The following KANK1 variants were observed in gnomAD, a reference collection of about 807,000 sequenced individuals.
The protein encoded by KANK1 is KN motif and ankyrin repeat domains 1.
Under a neutral mutation model 106.2 loss-of-function variants are expected in KANK1, and 109 were observed. That is an observed-to-expected ratio of 1.03 (90% CI 0.88 to 1.20). The LOEUF (loss-of-function observed/expected upper bound fraction) is 1.20. Ranked by LOEUF, KANK1 falls within the 50% of genes most tolerant of loss-of-function variation. The probability of loss-of-function intolerance (pLI) is 0.00; values close to 1 mark genes in which losing one functional copy is unlikely to be tolerated. For missense variants in KANK1, 2,399 were observed against 1,710.7 expected (o/e 1.40, Z -7.10); for synonymous variants, 873 against 652.2 (o/e 1.34, Z -5.16).
chr9:503,682 T>G (rs1311954451), upstream of KANK1, among the ~76,000 whole-genome samples: 1 of 151,898 alleles, frequency 6.6e-6, no homozygotes, highest in African/African-American at 2.4e-5. Flanking sequence ...GCTAACATTG[T>G]TTTTTGAGTA....
At chr9:516,875 TC>T (rs1343971248) in intron 1 of KANK1, among the ~76,000 whole-genome samples, 1 of 151,564 alleles carries the variant, frequency 6.6e-6, no homozygotes, top group Non-Finnish European at 1.5e-5. Flanking sequence ...ATTAGGAATT[TC>T]ATGCCTCCAT....
chr9:541,008 G>A (rs1263703598), intron 1 of KANK1, among the ~76,000 whole-genome samples: 1 of 151,910 alleles, frequency 6.6e-6, no homozygotes, highest in Non-Finnish European at 1.5e-5. Context: ...ATTCCTTGAG[G>A]TGTAAAGTTA....
chr9:501,707 CTTAA>C (rs2058556768), upstream of KANK1, among the ~76,000 whole-genome samples: 1 of 143,700 alleles, frequency 7.0e-6, no homozygotes, highest in Non-Finnish European at 1.5e-5. Context: ...TTTTAATTTT[CTTAA>C]TTGTTACTTT....
chr9:692,073 C>G (rs1352753495), intron 2 of KANK1, among the ~76,000 whole-genome samples: 1 of 147,240 alleles, frequency 6.8e-6, no homozygotes, highest in African/African-American at 2.5e-5. Context: ...ACGGATGACT[C>G]TAAATAGCCT....
rs1186839864 is a variant in KANK1 at position 712,863 on chromosome 9, T to C, written c.2097T>C (p.Cys699=). Residue 699 remains cysteine, a synonymous_variant, in exon 3 of 12, where the codon TGT becomes TGC. Transcript: ENST00000382297. ...ATLIESCTNT[C]LSTLDKQTST... ...TCATAGAGTCCTGCACCAACACTTGTCTAAGCACTTTGGACAAGCAGACCA... is the reference window on the plus strand; with the variant it reads ...TCATAGAGTCCTGCACCAACACTTGCCTAAGCACTTTGGACAAGCAGACCA... 1 of 1,612,776 alleles carries C rather than the reference T, an allele frequency of 6.2e-7. No individual in the cohort carries two copies. Among genetic ancestry groups the C allele is most frequent in the Non-Finnish European group, 8.5e-7 (1 of 1,179,820 alleles).
chr9:522,831 C>CA lies in KANK1; in HGVS notation c.-84+18078dup, dbSNP rs1402426715. Among the ~76,000 whole-genome samples the CA allele has an allele frequency of 4.0e-5, 6 of 151,700 alleles. No homozygotes were observed. The East Asian group carries it at 9.6e-4, about 24-fold the overall frequency. ...CTCTGACCTACCCTGGTTTTCACTT[C>CA]ATTACTCCTCCCTTGGTGCTGACAG... is the stretch of plus-strand genomic sequence containing the variant. On this transcript the variant is annotated intron_variant, in intron 1 of 11. Transcript: ENST00000382297.
chr9:562,726 T>G (rs1816811593), intron 1 of KANK1, among the ~76,000 whole-genome samples: 1 of 152,224 alleles, frequency 6.6e-6, no homozygotes. Context: ...GTTGTCAAGT[T>G]AGACAACCGA....
Position 473,510 on chromosome 9 carries a change from G to A in KANK1, c.-362+237G>A, listed in dbSNP as rs185892647. ...TGATCATCAACCATAATCCCTAGAGGGTCACCTAGAGTTATCCTACAATGA... is the reference window on the plus strand; with the variant it reads ...TGATCATCAACCATAATCCCTAGAGAGTCACCTAGAGTTATCCTACAATGA... On this transcript the variant is annotated intron_variant, in intron 3 of 15. Transcript: ENST00000382303. Among the ~76,000 whole-genome samples, 8 of 152,184 alleles carry A rather than the reference G, an allele frequency of 5.3e-5. No homozygotes were observed. In the East Asian group the frequency reaches 1.5e-3, roughly 29 times the overall value.
In KANK1 at chr9:738,402, C is replaced by T. The variant is rs747315739; in HGVS notation, c.3451C>T (p.Leu1151Phe). ...TTTTGAGGCCATTTCCCCAGATGTC[C>T]TCCGCTATGTCATCAACTTGGCAGA... ...AAFEAISPDV[L>F]RYVINLADGN... Residue 1151 changes from leucine (L) to phenylalanine (F), a missense_variant, in exon 8 of 12, where the codon CTC (leucine) becomes TTC (phenylalanine). Physicochemically the swap from Leu to Phe is conservative, Grantham distance 22. Coordinates refer to ENST00000382297, the MANE Select transcript of KANK1 (RefSeq NM_015158.5). The T allele has an allele frequency of 6.8e-6, 11 of 1,614,100 alleles. No homozygotes were observed. The highest frequency in any genetic ancestry group is 9.3e-6 in the Non-Finnish European group (11 of 1,179,992).
chr9:494,626 A>C (rs1413076896), intron 3 of KANK1, among the ~76,000 whole-genome samples: 1 of 152,162 alleles, frequency 6.6e-6, no homozygotes, highest in African/African-American at 2.4e-5. Context: ...TGTCATGGGC[A>C]GCACTATGGA....
At chr9:491,275 C>CT (rs997066061) in intron 3 of KANK1, among the ~76,000 whole-genome samples, 96 of 143,382 alleles carry the variant, frequency 6.7e-4, no homozygotes, top group East Asian at 1.6e-3. Flanking sequence ...AGTGCATTTT[C>CT]TTTTTTTTTT....
At chr9:550,577 A>T (rs2061218968) in intron 1 of KANK1, among the ~76,000 whole-genome samples, 1 of 152,336 alleles carries the variant, frequency 6.6e-6, no homozygotes, top group South Asian at 2.1e-4. Context: ...ACTGCACTCC[A>T]GCCTCAGCAA....
At position 597,625 on chromosome 9, in the gene KANK1, C is replaced by T. The variant is rs896669065; in HGVS notation, c.-83-79265C>T. On this transcript the variant is annotated intron_variant, in intron 1 of 11. Transcript: ENST00000382297. ...ACCCTTAATAGATATGTGATTTGCA[C>T]ATAGTTTTTCTCATTTTTAAGGTTT... Among the ~76,000 whole-genome samples the T allele has an allele frequency of 2.0e-5, 3 of 151,528 alleles. No homozygotes were observed. In the East Asian group the frequency reaches 5.8e-4, roughly 29 times the overall value.
At chr9:668,670 A>G (rs1845222754) in intron 1 of KANK1, among the ~76,000 whole-genome samples, 1 of 152,088 alleles carries the variant, frequency 6.6e-6, no homozygotes, top group East Asian at 1.9e-4. Flanking sequence ...CATGAGGCTT[A>G]TAGAAAACAT....
At chr9:744,339 A>T (rs1836606997) in intron 10 of KANK1, 152 bp from the exon 11 acceptor site, 1 of 724,904 alleles carries the variant, frequency 1.4e-6, no homozygotes, top group Non-Finnish European at 2.2e-6. Context: ...CTTCACCCTT[A>T]GAGGTCCCAA....
chr9:554,278 T>C (rs572435754), intron 1 of KANK1, among the ~76,000 whole-genome samples: 91 of 152,324 alleles, frequency 6.0e-4, no homozygotes, highest in Non-Finnish European at 2.6e-4. Context: ...CATCTGAGTC[T>C]GAAGATCCAA....
rs754371427 is a variant in KANK1 at position 711,535 on chromosome 9, C to G, written c.769C>G (p.Pro257Ala). The G allele has an allele frequency of 4.3e-6, 7 of 1,613,796 alleles. No individual in the cohort carries two copies. Among genetic ancestry groups the G allele is most frequent in the Non-Finnish European group, 5.9e-6 (7 of 1,179,832 alleles). Residue 257 changes from proline (P) to alanine (A), a missense_variant, in exon 3 of 12, where the codon CCC becomes GCC. Transcript: ENST00000382297. ...GISTPVTNVS[P>A]MHLQHIREQM... ...CTCCACCCCAGTGACCAACGTGAGCCCCATGCACCTGCAGCACATCCGCGA... is the reference window on the plus strand; with the variant it reads ...CTCCACCCCAGTGACCAACGTGAGCGCCATGCACCTGCAGCACATCCGCGA...
chr9:632,139 A>T (rs527704618), intron 1 of KANK1, among the ~76,000 whole-genome samples: 2 of 152,228 alleles, frequency 1.3e-5, no homozygotes, highest in Admixed American at 6.5e-5. Flanking sequence ...TTGACTAGGT[A>T]TGGTCAAACG....
intron 3 of KANK1, among the ~76,000 whole-genome samples, chr9:726,966 A>G (rs534246595): frequency 1.1e-4 from 16 of 152,330 alleles, no homozygotes; most frequent in African/African-American, 3.8e-4. Context: ...CACTCTCTCA[A>G]TTAAAATAAA....
Sources: gnomAD v4.1 joint callset for allele counts (sites outside exome capture counted in the v4.1 genomes callset) on GRCh38, gnomAD v4.1.1 for gene constraint, MANE v1.5 for transcripts, NCBI Gene and HGNC (gene_info 2026-07-23, HGNC 2026-07-21) for gene names.